The following ARL5B variants were observed in gnomAD, a reference collection of about 807,000 sequenced individuals.
ARL5B encodes ADP-ribosylation factor-like protein 5B.
A neutral mutation model predicts 26.9 loss-of-function variants in ARL5B; 10 were observed. The observed-to-expected ratio is 0.37, with a 90% CI of 0.23 to 0.63. The LOEUF (loss-of-function observed/expected upper bound fraction) is 0.63, where lower values mean the gene tolerates loss of function less well. Ranked by LOEUF, ARL5B falls within the 30% of genes least tolerant of loss-of-function variation. The probability of loss-of-function intolerance (pLI) is 0.62; values close to 1 mark genes in which losing one functional copy is unlikely to be tolerated. For missense variants in ARL5B, 167 were observed against 213.9 expected, an observed-to-expected ratio of 0.78 and a Z score of 1.37; for synonymous variants, 87 against 70.4, an observed-to-expected ratio of 1.24 and a Z score of -1.18.
In ARL5B at chr10:18,659,615, C is replaced by T. The variant is rs1357256587; in HGVS notation, c.-23C>T. On this transcript the variant is annotated 5_prime_UTR_variant, in exon 1 of 6. Coordinates refer to ENST00000377275, the MANE Select transcript of ARL5B (RefSeq NM_178815.5). ...AGCGGCACCTGCTGCCGAGGGACCC[C>T]GCGGCCCGCCCCGGTGCTCGTGATG... 1 of 1,605,478 alleles carries T rather than the reference C, an allele frequency of 6.2e-7. No individual in the cohort carries two copies. The highest frequency in any genetic ancestry group is 2.3e-5 in the East Asian group (1 of 44,038).
rs186304273 is a variant in ARL5B, at chr10:18,665,073, C to A, written c.47-1502C>A. Among the ~76,000 whole-genome samples, 775 of 152,290 alleles carry A rather than the reference C, an allele frequency of 5.1e-3. 3 individuals carry two copies. Among genetic ancestry groups the A allele is most frequent in the African/African-American group, 0.016 (651 of 41,558 alleles). The stretch of plus-strand genomic sequence containing the variant: ...TGGTAGGTGGAGCTTCTAGCTGTCA[C>A]CAAAATTTAGAATGCTTAGTGCCAG... On this transcript the variant is annotated intron_variant, in intron 1 of 5. Transcript: ENST00000377275.
chr10:18,671,727 T>G lies in ARL5B; in HGVS notation c.256-895T>G, dbSNP rs376063501. ...TCTCTCACCCAGGCTGGAGTGTAGT[T>G]GCATGATTCTCAGTACAGCCTCAAC... On this transcript the variant is annotated intron_variant, in intron 3 of 5. Coordinates refer to ENST00000377275, the MANE Select transcript of ARL5B (RefSeq NM_178815.5). Among the ~76,000 whole-genome samples the G allele has an allele frequency of 1.2e-4, 18 of 151,916 alleles. No individual in the cohort carries two copies. The East Asian group carries it at 3.1e-3, about 26-fold the overall frequency.
Position 18,663,064 on chromosome 10 carries a change from A to T in ARL5B, c.46+3381A>T, listed in dbSNP as rs187644210. Among the ~76,000 whole-genome samples, 578 of 152,078 alleles carry T rather than the reference A, an allele frequency of 3.8e-3. 4 individuals are homozygous for T. Among genetic ancestry groups the T allele is most frequent in the African/African-American group, 0.013 (526 of 41,462 alleles). ...TTTTCTGTCACCCAGGCTGGAGTGT[A>T]GTCCTGTGATCTCAGCTCACTGCCA... On this transcript the variant is annotated intron_variant, in intron 1 of 5. Coordinates refer to ENST00000377275, the MANE Select transcript of ARL5B (RefSeq NM_178815.5).
At chr10:18,671,768 C>T (rs2059888812) in intron 3 of ARL5B, among the ~76,000 whole-genome samples, 1 of 151,832 alleles carries the variant, frequency 6.6e-6, no homozygotes. Context: ...AGGCTCAAAG[C>T]AGTCCTCCCA....
chr10:18,665,721 G>C lies in ARL5B; in HGVS notation c.47-854G>C, dbSNP rs1185176127. Among the ~76,000 whole-genome samples the C allele has an allele frequency of 2.6e-5, 4 of 152,166 alleles. No homozygotes were observed. In the South Asian group the frequency reaches 8.3e-4, roughly 32 times the overall value. Reference sequence around the variant, plus strand: ...TGGAAACTTCCCTACTTACCCTGTTGATGTTAACTTGTAACTTTTTAAGCA... The same window carrying C: ...TGGAAACTTCCCTACTTACCCTGTTCATGTTAACTTGTAACTTTTTAAGCA... On this transcript the variant is annotated intron_variant, in intron 1 of 5. Coordinates refer to ENST00000377275, the MANE Select transcript of ARL5B (RefSeq NM_178815.5).
intron 5 of ARL5B, among the ~76,000 whole-genome samples, chr10:18,674,488 G>T (rs531609026): frequency 2.0e-5 from 3 of 152,150 alleles, no homozygotes; most frequent in East Asian, 3.9e-4. Context: ...CACATTTTCT[G>T]CAAGGACTTA....
At chr10:18,661,728 A>T (rs1590223197) in intron 1 of ARL5B, among the ~76,000 whole-genome samples, 1 of 152,352 alleles carries the variant, frequency 6.6e-6, no homozygotes, top group East Asian at 1.9e-4. Flanking sequence ...CACAAGGTAT[A>T]CTTGGACGTA....
intron 3 of ARL5B, 70 bp downstream of exon 3, chr10:18,668,747 C>T: frequency 2.0e-6 from 3 of 1,473,486 alleles, no homozygotes. Context: ...AATTAGGCTG[C>T]ACCTGGGCGT....
Position 18,680,227 on chromosome 10 carries a change from A to AC in ARL5B, c.*5014dup, listed in dbSNP as rs2059926779. ...GTACCATCCCATAAAAACCCCCTTCACCCAAACTGTATTTGAAATATGCAA... is the reference window on the plus strand; with the variant it reads ...GTACCATCCCATAAAAACCCCCTTCACCCCAAACTGTATTTGAAATATGCAA... On this transcript the variant is annotated 3_prime_UTR_variant, in exon 6 of 6. Transcript: ENST00000377275. The AC allele has an allele frequency of 6.6e-6, 1 of 151,950 alleles. No individual in the cohort carries two copies. Among genetic ancestry groups the AC allele is most frequent in the Non-Finnish European group, 1.5e-5 (1 of 67,894 alleles). 9.4% of individuals were successfully genotyped at this position (151,950 alleles called of 1,614,324 possible).
Position 18,679,611 on chromosome 10 carries a change from AT to A in ARL5B, c.*4396del, listed in dbSNP as rs888809137. The A allele has an allele frequency of 2.0e-5, 3 of 152,086 alleles. No homozygotes were observed. Among genetic ancestry groups the A allele is most frequent in the East Asian group, 1.9e-4 (1 of 5,186 alleles). 9.4% of individuals were successfully genotyped at this position (152,086 alleles called of 1,614,324 possible). A position where few individuals can be genotyped will look rare whatever the true frequency, so the allele number is the denominator to read the frequency against. ...AATAGAGGAAGACCAATATAAAAAA[AT>A]ATGTTCAACTATTCCATTTTAAATT... On this transcript the variant is annotated 3_prime_UTR_variant, in exon 6 of 6. Transcript: ENST00000377275.
In ARL5B at chr10:18,681,523, T is replaced by C. The variant is rs948019122; in HGVS notation, c.*6307T>C. The C allele has an allele frequency of 6.6e-6, 1 of 152,234 alleles. No individual in the cohort carries two copies. Among genetic ancestry groups the C allele is most frequent in the Non-Finnish European group, 1.5e-5 (1 of 68,040 alleles). The allele number at this position is 152,234 out of a possible 1,614,324, so 9.4% of individuals were successfully genotyped here. On this transcript the variant is annotated 3_prime_UTR_variant, in exon 6 of 6. Transcript: ENST00000377275. ...AAACGATGCTGTTTGCTCTGGAATG[T>C]TCATCTTTTAGACAGGTTTTGGCTC...
intron 3 of ARL5B, among the ~76,000 whole-genome samples, chr10:18,670,542 C>T (rs554853216): frequency 3.3e-5 from 5 of 152,000 alleles, no homozygotes; most frequent in African/African-American, 7.3e-5. Flanking sequence ...ACCTGGGAGG[C>T]GGAGGTGGCA....
At chr10:18,668,728 A>C in intron 3 of ARL5B, 51 bp downstream of exon 3, 6 of 1,571,772 alleles carry the variant, frequency 3.8e-6, no homozygotes, top group Non-Finnish European at 5.2e-6. Flanking sequence ...TAGAGTAAAC[A>C]TAGAAAGTAA....
At chr10:18,666,237 A>G (rs912200318) in intron 1 of ARL5B, among the ~76,000 whole-genome samples, 7 of 152,264 alleles carry the variant, frequency 4.6e-5, no homozygotes, top group Admixed American at 2.6e-4. Flanking sequence ...CAGGCTTTTT[A>G]AAAAACTTAC....
chr10:18,669,850 G>A (rs757509107), intron 3 of ARL5B, among the ~76,000 whole-genome samples: 7 of 152,034 alleles, frequency 4.6e-5, no homozygotes, highest in East Asian at 1.9e-4. Flanking sequence ...AAAACTAGCC[G>A]GGCGTGGTGG....
rs1026935725 is a variant in ARL5B at position 18,678,328 on chromosome 10, C to T, written c.*3112C>T. The T allele has an allele frequency of 6.3e-5, 6 of 95,664 alleles. No individual in the cohort carries two copies. In the Admixed American group the frequency reaches 6.4e-4, roughly 10 times the overall value. 5.9% of individuals were successfully genotyped at this position (95,664 alleles called of 1,614,324 possible). On this transcript the variant is annotated 3_prime_UTR_variant, in exon 6 of 6. Transcript: ENST00000377275. ...CTGAAAAATTTTAAATGAGTGCCAC[C>T]CCATAGCCATAGTCATTTTGATTAA...
chr10:18,664,374 A>C (rs2059851073), intron 1 of ARL5B, among the ~76,000 whole-genome samples: 1 of 147,552 alleles, frequency 6.8e-6, no homozygotes, highest in South Asian at 2.1e-4. Context: ...GGTGTGAGTC[A>C]TTGCACCTGG....
Position 18,679,846 on chromosome 10 carries a change from T to G in ARL5B, c.*4630T>G, listed in dbSNP as rs1163407646. Reference sequence around the variant, plus strand: ...AGAAAATGTGAATGAAAGCAGTGAATTTCTGCCTCTCCTCGTATTTAGGGT... The same window carrying G: ...AGAAAATGTGAATGAAAGCAGTGAAGTTCTGCCTCTCCTCGTATTTAGGGT... On this transcript the variant is annotated 3_prime_UTR_variant, in exon 6 of 6. Transcript: ENST00000377275. The G allele has an allele frequency of 6.6e-6, 1 of 151,952 alleles. No homozygotes were observed. The highest frequency in any genetic ancestry group is 2.4e-5 in the African/African-American group (1 of 41,420). 9.4% of individuals were successfully genotyped at this position (151,952 alleles called of 1,614,324 possible). A position where few individuals can be genotyped will look rare whatever the true frequency, so the allele number is the denominator to read the frequency against.
Position 18,681,399 on chromosome 10 carries a change from GCTT to G in ARL5B, c.*6187_*6189del. On this transcript the variant is annotated 3_prime_UTR_variant, in exon 6 of 6. Coordinates refer to ENST00000377275, the MANE Select transcript of ARL5B (RefSeq NM_178815.5). The stretch of plus-strand genomic sequence containing the variant: ...TTTAATACTTTATTAGTTATGAAGT[GCTT>G]CTTTTATATGTTAAGTTTAGGTTGC... The G allele has an allele frequency of 6.6e-6, 1 of 152,228 alleles. No individual in the cohort carries two copies. The highest frequency in any genetic ancestry group is 1.9e-4 in the East Asian group (1 of 5,184). 9.4% of individuals were successfully genotyped at this position (152,228 alleles called of 1,614,324 possible).
Sources: allele counts gnomAD v4.1 joint callset (sites outside exome capture counted in the v4.1 genomes callset), GRCh38; gene constraint gnomAD v4.1.1; transcripts MANE v1.5; gene names NCBI Gene and HGNC (gene_info 2026-07-23, HGNC 2026-07-21).